The following SCD5 variants were observed in gnomAD, a reference collection of about 807,000 sequenced individuals.
SCD5 encodes stearoyl-CoA desaturase 5, also known as acyl-CoA-desaturase 4.
SCD5 carries 20 observed loss-of-function variants against 30.4 expected under a neutral mutation model. The ratio of observed to expected loss-of-function variants is 0.66; its 90% confidence interval spans 0.46 to 0.96. SCD5 has a LOEUF of 0.96. Among genes scored for constraint, SCD5 ranks in the 40% least tolerant of loss-of-function variants. SCD5 has a pLI of 0.00. For synonymous variants in SCD5, 173 were observed against 176.4 expected (o/e 0.98, Z 0.16); for missense variants, 381 against 443.3 (o/e 0.86, Z 1.26).
intron 1 of SCD5, among the ~76,000 whole-genome samples, chr4:82,775,279 G>A (rs1347778513): frequency 2.6e-5 from 4 of 152,198 alleles, no homozygotes; most frequent in Non-Finnish European, 4.4e-5. Flanking sequence ...GGAGCTGCTT[G>A]TAGGCATGGA....
At chr4:82,684,206 T>C (rs558661550) in intron 2 of SCD5, among the ~76,000 whole-genome samples, 1 of 152,304 alleles carries the variant, frequency 6.6e-6, no homozygotes, top group East Asian at 1.9e-4. Context: ...GAAGCAAGTA[T>C]AACAGTGGAA....
intron 3 of SCD5, among the ~76,000 whole-genome samples, chr4:82,663,236 A>C (rs1191917788): frequency 1.3e-5 from 2 of 152,250 alleles, no homozygotes; most frequent in Non-Finnish European, 1.5e-5. Context: ...TTGTCAAAGC[A>C]AGGAGAAAGA....
chr4:82,712,410 C>T (rs1299614402), intron 1 of SCD5, among the ~76,000 whole-genome samples: 2 of 147,564 alleles, frequency 1.4e-5, no homozygotes, highest in Non-Finnish European at 3.0e-5. Flanking sequence ...CTCTGCCTCC[C>T]GGGTTCAAGC....
chr4:82,702,576 T>C (rs571549918), intron 2 of SCD5, among the ~76,000 whole-genome samples: 2 of 152,320 alleles, frequency 1.3e-5, no homozygotes, highest in African/African-American at 4.8e-5. Flanking sequence ...AAGAATACTG[T>C]TCTTAATGCT....
chr4:82,745,243 G>C (rs1033528011), intron 1 of SCD5, among the ~76,000 whole-genome samples: 1 of 152,160 alleles, frequency 6.6e-6, no homozygotes, highest in African/African-American at 2.4e-5. Context: ...CCCATTTCTT[G>C]GGGACAGATT....
intron 3 of SCD5, among the ~76,000 whole-genome samples, chr4:82,667,329 G>A (rs1206328699): frequency 1.3e-5 from 2 of 152,046 alleles, no homozygotes; most frequent in African/African-American, 4.8e-5. Flanking sequence ...GCTCTACTAG[G>A]AAAAGTACCT....
rs1727270056 is a variant in SCD5, at chr4:82,630,696, C to G, written c.*631G>C. The G allele has an allele frequency of 6.7e-6, 1 of 149,594 alleles. No homozygotes were observed. Among genetic ancestry groups the G allele is most frequent in the Non-Finnish European group, 1.5e-5 (1 of 67,800 alleles). 9.3% of individuals were successfully genotyped at this position (149,594 alleles called of 1,614,324 possible). ...GGCTGGGCGCGCTGGCTCCCAGCTA[C>G]TCGGGAGGCTGAGGCAGGAGAATGG... is the stretch of plus-strand genomic sequence containing the variant. On this transcript the variant is annotated 3_prime_UTR_variant, in exon 5 of 5. Transcript: ENST00000319540.
chr4:82,686,925 C>T (rs1369879458), intron 2 of SCD5, among the ~76,000 whole-genome samples: 1 of 152,106 alleles, frequency 6.6e-6, no homozygotes, highest in African/African-American at 2.4e-5. Flanking sequence ...AATCCTAGCA[C>T]TTTGGGAGGC....
chr4:82,666,537 G>A (rs1403190203), intron 3 of SCD5, among the ~76,000 whole-genome samples: 2 of 151,768 alleles, frequency 1.3e-5, no homozygotes, highest in Non-Finnish European at 1.5e-5. Flanking sequence ...AAGAAAGAAA[G>A]AAAGAAAATG....
At chr4:82,792,344 A>G (rs1351477223) in intron 1 of SCD5, among the ~76,000 whole-genome samples, 1 of 152,200 alleles carries the variant, frequency 6.6e-6, no homozygotes, top group African/African-American at 2.4e-5. Flanking sequence ...TGCAGGTTTC[A>G]TGACCAGGCC....
chr4:82,754,721 T>C (rs2148843804), intron 1 of SCD5, among the ~76,000 whole-genome samples: 1 of 152,326 alleles, frequency 6.6e-6, no homozygotes, highest in South Asian at 2.1e-4. Flanking sequence ...AAGAAGCAAT[T>C]TAGAAGAGTG....
intron 3 of SCD5, among the ~76,000 whole-genome samples, chr4:82,653,943 A>G (rs906829075): frequency 6.6e-6 from 1 of 150,504 alleles, no homozygotes; most frequent in Admixed American, 6.6e-5. Flanking sequence ...AATCAAACGG[A>G]GTCCTGCTCT....
In SCD5 at chr4:82,631,256, A is replaced by C; in HGVS notation, c.*71T>G. 2.8e-6 allele frequency: 4 copies of C among 1,411,002 alleles called. No homozygotes were observed. Among genetic ancestry groups the C allele is most frequent in the Non-Finnish European group, 3.9e-6 (4 of 1,024,144 alleles). 87.4% of individuals were successfully genotyped at this position (1,411,002 alleles called of 1,614,324 possible). ...TGCCCCCTCCCACGATCCAATGTACAAGAGAGCTATTGTAACCAAAGCCAT... is the reference window on the plus strand; with the variant it reads ...TGCCCCCTCCCACGATCCAATGTACCAGAGAGCTATTGTAACCAAAGCCAT... On this transcript the variant is annotated 3_prime_UTR_variant, in exon 5 of 5. Coordinates refer to ENST00000319540, the MANE Select transcript of SCD5 (RefSeq NM_001037582.3).
intron 1 of SCD5, among the ~76,000 whole-genome samples, chr4:82,798,074 G>A (rs1452724291): frequency 5.4e-5 from 6 of 110,454 alleles, no homozygotes; most frequent in African/African-American, 1.2e-4. Context: ...GCAGACCGCG[G>A]CGGGGTGGGG....
intron 1 of SCD5, among the ~76,000 whole-genome samples, chr4:82,711,391 C>T (rs933662599): frequency 2.0e-5 from 3 of 152,176 alleles, no homozygotes; most frequent in Admixed American, 6.5e-5. Context: ...TGCTGCTCAG[C>T]ATCCCACAAT....
intron 1 of SCD5, among the ~76,000 whole-genome samples, chr4:82,728,598 T>A (rs1423578393): frequency 2.6e-5 from 4 of 152,130 alleles, no homozygotes; most frequent in Admixed American, 2.6e-4. Context: ...TACTCATGAC[T>A]CAACTGATCC....
chr4:82,745,430 G>A (rs1720960749), intron 1 of SCD5, among the ~76,000 whole-genome samples: 1 of 152,220 alleles, frequency 6.6e-6, no homozygotes, highest in African/African-American at 2.4e-5. Context: ...GACATGAATG[G>A]AATGTTTCAG....
intron 1 of SCD5, among the ~76,000 whole-genome samples, chr4:82,737,727 T>G (rs528804805): frequency 1.9e-4 from 29 of 152,366 alleles, no homozygotes; most frequent in African/African-American, 6.5e-4. Context: ...CTGATTTATA[T>G]TGTGCCTTTC....
chr4:82,636,468 G>C, intron 4 of SCD5, 123 bp downstream of exon 4: 1 of 549,626 alleles, frequency 1.8e-6, no homozygotes, highest in Non-Finnish European at 3.0e-6. Flanking sequence ...AAAAAAAAAA[G>C]CTCAAGTTCA....
Sources: gnomAD v4.1 joint callset for allele counts (sites outside exome capture counted in the v4.1 genomes callset) on GRCh38, gnomAD v4.1.1 for gene constraint, MANE v1.5 for transcripts, NCBI Gene and HGNC (gene_info 2026-07-23, HGNC 2026-07-21) for gene names.